Variants in ZCCHC14 observed in about 807,000 individuals in gnomAD.
The protein encoded by ZCCHC14 is zinc finger CCHC-type containing 14.
In ZCCHC14, 16 loss-of-function variants were observed where a neutral mutation model predicts 85.0. The ratio of observed to expected loss-of-function variants is 0.19; its 90% confidence interval spans 0.13 to 0.29. The LOEUF is 0.29. Ranked by LOEUF, ZCCHC14 falls within the 10% of genes least tolerant of loss-of-function variation. ZCCHC14 has a pLI of 1.00. For synonymous variants in ZCCHC14, 775 were observed against 630.7 expected (o/e 1.23, Z -3.43); for missense variants, 1,303 against 1,443.5 (o/e 0.90, Z 1.58).
chr16:87,419,195 C>T (rs1306081381), intron 6 of ZCCHC14, among the ~76,000 whole-genome samples: 1 of 151,342 alleles, frequency 6.6e-6, no homozygotes, highest in Non-Finnish European at 1.5e-5. Context: ...GTGGGGCAAT[C>T]TCGGCTCACT....
Position 87,442,363 on chromosome 16 carries a change from G to A in ZCCHC14, c.695-9162C>T, listed in dbSNP as rs4542672. ...CCAAAAGCATCAACATTCTCTGTAG[G>A]ATTAAAGATGAGTCAGAGTCTCGTA... On this transcript the variant is annotated intron_variant, in intron 2 of 12. Transcript: ENST00000671377. 7.7e-3 allele frequency among the ~76,000 whole-genome samples: 1,169 copies of A among 152,260 alleles called. 15 individuals carry two copies. The highest frequency in any genetic ancestry group is 0.027 in the African/African-American group (1,104 of 41,542).
At chr16:87,411,310 T>C (rs1225566010) in intron 12 of ZCCHC14, 1 of 1,440,602 alleles carries the variant, frequency 6.9e-7, no homozygotes, top group African/African-American at 1.4e-5. Context: ...CCAGAGGCTG[T>C]CTGAAATCAT....
At chr16:87,465,286 G>A (rs1005630273) in intron 1 of ZCCHC14, among the ~76,000 whole-genome samples, 7 of 152,210 alleles carry the variant, frequency 4.6e-5, no homozygotes, top group African/African-American at 9.6e-5. Context: ...GAAGCAGGCC[G>A]TTAATAAGGA....
At chr16:87,484,885 G>C (rs1195074732) in intron 1 of ZCCHC14, among the ~76,000 whole-genome samples, 1 of 152,118 alleles carries the variant, frequency 6.6e-6, no homozygotes, top group Non-Finnish European at 1.5e-5. Flanking sequence ...GATTGAAGGA[G>C]GGAGATAGAA....
At chr16:87,446,739 G>C (rs1258399820) in intron 2 of ZCCHC14, among the ~76,000 whole-genome samples, 2 of 152,012 alleles carry the variant, frequency 1.3e-5, no homozygotes, top group Non-Finnish European at 2.9e-5. Flanking sequence ...ACCCAGGCTG[G>C]AGTGCAGTGA....
At chr16:87,473,499 G>A (rs896388871) in intron 1 of ZCCHC14, 6 of 152,238 alleles carry the variant, frequency 3.9e-5, no homozygotes, top group East Asian at 3.8e-4. Flanking sequence ...CACCGTGCCC[G>A]GCCCATCTTC....
chr16:87,484,733 G>C (rs949224384), intron 1 of ZCCHC14, among the ~76,000 whole-genome samples: 8 of 152,182 alleles, frequency 5.3e-5, no homozygotes, highest in Admixed American at 6.5e-5. Flanking sequence ...TGGTAGAGAC[G>C]AGCGGTGTTA....
chr16:87,430,572 A>C (rs1274539756), intron 3 of ZCCHC14, among the ~76,000 whole-genome samples: 2 of 146,782 alleles, frequency 1.4e-5, no homozygotes, highest in African/African-American at 5.1e-5. Context: ...CCCAGGCTGG[A>C]GTGCAGTGGT....
chr16:87,459,005 T>C (rs1482308076), intron 2 of ZCCHC14, among the ~76,000 whole-genome samples: 2 of 151,870 alleles, frequency 1.3e-5, no homozygotes, highest in Non-Finnish European at 2.9e-5. Context: ...CACCTTACTC[T>C]CCCCTCCCCA....
chr16:87,464,690 C>T (rs1425422420), intron 1 of ZCCHC14, among the ~76,000 whole-genome samples: 4 of 152,234 alleles, frequency 2.6e-5, no homozygotes, highest in Admixed American at 6.5e-5. Context: ...GGAATTTCTT[C>T]TTAGTTTTCC....
intron 2 of ZCCHC14, among the ~76,000 whole-genome samples, chr16:87,437,135 G>C (rs909770256): frequency 6.6e-6 from 1 of 151,982 alleles, no homozygotes; most frequent in African/African-American, 2.4e-5. Context: ...TCAGGAGTTA[G>C]AGACCAGCCT....
At position 87,454,946 on chromosome 16, in the gene ZCCHC14, G is replaced by A. The variant is rs2150754329; in HGVS notation, c.694+5062C>T. 2.6e-5 allele frequency among the ~76,000 whole-genome samples: 4 copies of A among 152,328 alleles called. No individual in the cohort carries two copies. The Middle Eastern group carries it at 0.01, about 389-fold the overall frequency. On this transcript the variant is annotated intron_variant, in intron 2 of 12. Transcript: ENST00000671377. ...CACAAAGCATAAATGCTCTGCCACG[G>A]CTGACGACATGCCACCATCAGCCAC...
chr16:87,411,458 C>G (rs757127023), intron 12 of ZCCHC14, 58 bp downstream of exon 12: 11 of 1,573,698 alleles, frequency 7.0e-6, no homozygotes, highest in East Asian at 2.2e-5. Flanking sequence ...AAAAACCAAG[C>G]ATTTGTGTGC....
At chr16:87,417,192 G>A (rs1012648514) in intron 8 of ZCCHC14, among the ~76,000 whole-genome samples, 1 of 152,132 alleles carries the variant, frequency 6.6e-6, no homozygotes, top group Non-Finnish European at 1.5e-5. Context: ...CTCTGGGGAC[G>A]GACTGTCCCT....
At chr16:87,441,141 C>T (rs1277173786) in intron 2 of ZCCHC14, among the ~76,000 whole-genome samples, 3 of 151,968 alleles carry the variant, frequency 2.0e-5, no homozygotes, top group Non-Finnish European at 4.4e-5. Context: ...TACAGGCGCC[C>T]GCCACCACGC....
Position 87,414,419 on chromosome 16 carries a change from G to A in ZCCHC14, c.1598C>T (p.Ala533Val). The change falls in exon 10 of 13, where the codon GCA (alanine) becomes GTA (valine). Residue 533 changes from alanine to valine, a missense_variant. Physicochemically the swap from Ala to Val is moderately conservative, Grantham distance 64. This residue lies in a region of ZCCHC14 where 58 missense variants were observed against 88.2 expected (regional missense o/e 0.66). Coordinates refer to ENST00000671377, the MANE Select transcript of ZCCHC14 (RefSeq NM_015144.3). ...GPVQSGRGSH[A>V]AELRVEVEQP... Reference sequence around the variant, plus strand: ...CCCGACACACCCTTGTTCACCTGCTGCATGGCTGCCCCGCCCCGACTGCAC... The same window carrying A: ...CCCGACACACCCTTGTTCACCTGCTACATGGCTGCCCCGCCCCGACTGCAC... 1 of 1,612,968 alleles carries A rather than the reference G, an allele frequency of 6.2e-7. No homozygotes were observed. Among genetic ancestry groups the A allele is most frequent in the East Asian group, 2.2e-5 (1 of 44,872 alleles).
intron 1 of ZCCHC14, among the ~76,000 whole-genome samples, chr16:87,461,281 G>T (rs1026024245): frequency 3.3e-5 from 5 of 152,192 alleles, no homozygotes; most frequent in Admixed American, 3.3e-4. Context: ...CGAGAGGAGG[G>T]GGGTAGCAAT....
intron 1 of ZCCHC14, among the ~76,000 whole-genome samples, chr16:87,480,928 C>G (rs1263061228): frequency 3.3e-5 from 5 of 152,188 alleles, no homozygotes; most frequent in African/African-American, 9.6e-5. Flanking sequence ...ACTGCGCCTA[C>G]AGAGAGAGGT....
In ZCCHC14 at chr16:87,461,597, C is replaced by T. The variant is rs77120006; in HGVS notation, c.571-1466G>A. ...GACGGTAGGTGGCAGTTGACCAAAA[C>T]ATCCCCTAAGTTCACTCACAAGCAC... On this transcript the variant is annotated intron_variant, in intron 1 of 12. Coordinates refer to ENST00000671377, the MANE Select transcript of ZCCHC14 (RefSeq NM_015144.3). Among the ~76,000 whole-genome samples the T allele has an allele frequency of 6.7e-3, 1,017 of 152,354 alleles. 9 individuals are homozygous for T. The highest frequency in any genetic ancestry group is 0.023 in the African/African-American group (968 of 41,580).
Sources: gnomAD v4.1 joint callset for allele counts (sites outside exome capture counted in the v4.1 genomes callset) on GRCh38, gnomAD v4.1.1 for gene constraint, gnomAD v4.1.1 regional missense constraint, MANE v1.5 for transcripts, NCBI Gene and HGNC (gene_info 2026-07-23, HGNC 2026-07-21) for gene names.